BCAR3: variants seen among roughly 807,000 people sequenced by gnomAD.
BCAR3 encodes breast cancer anti-estrogen resistance protein 3.
BCAR3 carries 37 observed loss-of-function variants against 80.1 expected under a neutral mutation model. The ratio of observed to expected loss-of-function variants is 0.46; its 90% CI spans 0.36 to 0.61. The LOEUF (loss-of-function observed/expected upper bound fraction) is 0.61. Ranked by LOEUF, BCAR3 falls within the 20% of genes least tolerant of loss-of-function variation. The probability of loss-of-function intolerance (pLI) is 0.00; values close to 1 mark genes in which losing one functional copy is unlikely to be tolerated. For missense variants in BCAR3, 978 were observed against 1,068.2 expected, an observed-to-expected ratio of 0.92 and a Z score of 1.18; for synonymous variants, 389 against 418.9, an observed-to-expected ratio of 0.93 and a Z score of 0.87.
At chr1:93,731,098 A>G (rs956252953) in intron 2 of BCAR3, among the ~76,000 whole-genome samples, 3 of 152,256 alleles carry the variant, frequency 2.0e-5, no homozygotes, top group Admixed American at 2.0e-4. Flanking sequence ...ACACCTGACC[A>G]GTAAGTACTC....
intron 5 of BCAR3, among the ~76,000 whole-genome samples, chr1:93,585,503 G>A (rs1282024849): frequency 6.6e-6 from 1 of 152,042 alleles, no homozygotes; most frequent in Non-Finnish European, 1.5e-5. Context: ...GATCATTCAG[G>A]GCCAACTAGG....
chr1:93,692,933 C>G (rs1055195624), intron 3 of BCAR3, among the ~76,000 whole-genome samples: 1 of 152,154 alleles, frequency 6.6e-6, no homozygotes, highest in Non-Finnish European at 1.5e-5. Flanking sequence ...GGGTCTCAAG[C>G]AGGTCAGGAA....
intron 3 of BCAR3, among the ~76,000 whole-genome samples, chr1:93,606,611 C>T (rs1470374476): frequency 2.0e-5 from 3 of 152,142 alleles, no homozygotes; most frequent in Non-Finnish European, 2.9e-5. Context: ...GATGGAGTCA[C>T]TTACTGGGCC....
At chr1:93,837,396 T>C (rs1402674774) in intron 2 of BCAR3, among the ~76,000 whole-genome samples, 1 of 152,178 alleles carries the variant, frequency 6.6e-6, no homozygotes, top group Admixed American at 6.5e-5. Context: ...TTCAATGTAA[T>C]TGATGCACCT....
chr1:93,624,178 G>A (rs534563754), intron 3 of BCAR3, among the ~76,000 whole-genome samples: 3 of 152,306 alleles, frequency 2.0e-5, no homozygotes, highest in African/African-American at 7.2e-5. Flanking sequence ...CTGCTTATGT[G>A]GCATCAGCAC....
intron 2 of BCAR3, among the ~76,000 whole-genome samples, chr1:93,670,581 C>T (rs1369490920): frequency 6.6e-6 from 1 of 152,168 alleles, no homozygotes; most frequent in Non-Finnish European, 1.5e-5. Context: ...AGGTTCTAAT[C>T]CTAGCTCAGT....
intron 7 of BCAR3, among the ~76,000 whole-genome samples, chr1:93,577,444 G>A (rs1673503276): frequency 6.6e-6 from 1 of 152,140 alleles, no homozygotes; most frequent in African/African-American, 2.4e-5. Context: ...AGTGGTAGAC[G>A]CCACGACAGG....
intron 1 of BCAR3, among the ~76,000 whole-genome samples, chr1:93,678,263 T>C (rs1415510349): frequency 6.6e-6 from 1 of 152,230 alleles, no homozygotes; most frequent in African/African-American, 2.4e-5. Flanking sequence ...TGAGTCATAA[T>C]TGTTTACCTG....
chr1:93,733,221 T>C (rs986144709), intron 2 of BCAR3, among the ~76,000 whole-genome samples: 6 of 152,160 alleles, frequency 3.9e-5, no homozygotes, highest in African/African-American at 9.7e-5. Flanking sequence ...ATTTGTCTCC[T>C]ACTCAGGCCC....
At chr1:93,626,696 C>A (rs1675467173) in intron 3 of BCAR3, among the ~76,000 whole-genome samples, 1 of 152,134 alleles carries the variant, frequency 6.6e-6, no homozygotes, top group Non-Finnish European at 1.5e-5. Context: ...GCCAGTTCCA[C>A]CTAGAAGTCT....
intron 7 of BCAR3, among the ~76,000 whole-genome samples, chr1:93,579,505 C>T (rs1324204669): frequency 6.6e-6 from 1 of 152,168 alleles, no homozygotes. Context: ...TGCAGGCAGA[C>T]ATGAGAGTGA....
At chr1:93,838,812 G>T (rs1016790168) in intron 2 of BCAR3, among the ~76,000 whole-genome samples, 5 of 152,100 alleles carry the variant, frequency 3.3e-5, no homozygotes, top group Non-Finnish European at 7.4e-5. Context: ...CTATCTACCT[G>T]ATGTCTTGAG....
At chr1:93,661,975 T>C (rs892662927) in intron 2 of BCAR3, among the ~76,000 whole-genome samples, 4 of 152,264 alleles carry the variant, frequency 2.6e-5, no homozygotes, top group Admixed American at 1.3e-4. Context: ...ACTCATTTTA[T>C]ATTCTGCACC....
At chr1:93,652,269 A>C (rs1363219191) in intron 2 of BCAR3, among the ~76,000 whole-genome samples, 1 of 152,202 alleles carries the variant, frequency 6.6e-6, no homozygotes, top group African/African-American at 2.4e-5. Flanking sequence ...TTTTTAGAGA[A>C]GCATGGGAAA....
At chr1:93,635,571 T>C (rs951635789) in intron 3 of BCAR3, among the ~76,000 whole-genome samples, 1 of 152,176 alleles carries the variant, frequency 6.6e-6, no homozygotes, top group Non-Finnish European at 1.5e-5. Context: ...GAGAATGTTT[T>C]TGGGGTGGAG....
chr1:93,694,463 G>T (rs1649316069), intron 3 of BCAR3, among the ~76,000 whole-genome samples: 1 of 152,118 alleles, frequency 6.6e-6, no homozygotes, highest in African/African-American at 2.4e-5. Context: ...CTCTGGGCAT[G>T]AATTCTCTCC....
rs1673740595 is a variant in BCAR3, at chr1:93,582,292, A to C, written c.1686+9T>G. 1.2e-6 allele frequency: 2 copies of C among 1,608,212 alleles called. No individual in the cohort carries two copies. Among genetic ancestry groups the C allele is most frequent in the Non-Finnish European group, 1.7e-6 (2 of 1,175,760 alleles). On this transcript the variant is annotated intron_variant, in intron 7 of 11. Coordinates refer to ENST00000260502, the MANE Select transcript of BCAR3 (RefSeq NM_003567.4). ...AAGCCAGAGGAGCACCAGGACCCCC[A>C]GCGCTTACCCTGCAGTCCATGCTCA...
At chr1:93,614,178 A>T in intron 3 of BCAR3, 1 of 1,254,180 alleles carries the variant, frequency 8.0e-7, no homozygotes, top group Non-Finnish European at 1.0e-6. Flanking sequence ...CCATGCACAC[A>T]GTGCCAGAAA....
At chr1:93,600,583 GCCTCCTTCATAAGT>G (rs1354979317) in intron 3 of BCAR3, 1 of 152,194 alleles carries the variant, frequency 6.6e-6, no homozygotes. Flanking sequence ...AAAGCCCAAA[GCCTCCTTCATAAGT>G]CAAGTAATGC....
Sources: allele counts gnomAD v4.1 joint callset (sites outside exome capture counted in the v4.1 genomes callset), GRCh38; gene constraint gnomAD v4.1.1; transcripts MANE v1.5; gene names NCBI Gene and HGNC (gene_info 2026-07-23, HGNC 2026-07-21).